Variants in NRDC observed in about 807,000 individuals in gnomAD.
NRDC encodes nardilysin.
A neutral mutation model predicts 147.1 loss-of-function variants in NRDC; 54 were observed. That is an observed-to-expected ratio of 0.37 (90% CI 0.29 to 0.46). The LOEUF (loss-of-function observed/expected upper bound fraction) is 0.46, where lower values mean the gene tolerates loss of function less well. Among genes scored for constraint, NRDC ranks in the 20% least tolerant of loss-of-function variants. The probability of loss-of-function intolerance (pLI) is 1.00; values close to 1 mark genes in which losing one functional copy is unlikely to be tolerated. For missense variants in NRDC, 1,082 were observed against 1,370.6 expected (o/e 0.79, Z 3.33); for synonymous variants, 440 against 482.1 (o/e 0.91, Z 1.14).
intron 1 of NRDC, among the ~76,000 whole-genome samples, chr1:51,847,892 G>T (rs1681732852): frequency 1.3e-5 from 2 of 152,260 alleles, no homozygotes; most frequent in Admixed American, 1.3e-4. Flanking sequence ...CCAAGAGCAA[G>T]CGAGGGCTGT....
chr1:51,847,803 G>A (rs771410553), intron 1 of NRDC, among the ~76,000 whole-genome samples: 22 of 152,226 alleles, frequency 1.4e-4, no homozygotes, highest in Non-Finnish European at 2.5e-4. Context: ...GCCATCCCAG[G>A]AACGGGCTCC....
chr1:51,868,054 G>A (rs932049365), intron 1 of NRDC, among the ~76,000 whole-genome samples: 3 of 152,170 alleles, frequency 2.0e-5, no homozygotes, highest in Non-Finnish European at 2.9e-5. Flanking sequence ...AAGGAGATGG[G>A]ATCCAGTACA....
At chr1:51,814,411 G>A (rs1304080158) in intron 13 of NRDC, 140 bp downstream of exon 13, 7 of 727,638 alleles carry the variant, frequency 9.6e-6, no homozygotes, top group African/African-American at 8.9e-5. Flanking sequence ...GAGGGATAAG[G>A]ATATGGAGTC....
In NRDC at chr1:51,800,610, T is replaced by C. The variant is rs1301297152; in HGVS notation, c.2387A>G (p.Glu796Gly). 3 of 1,613,952 alleles carry C rather than the reference T, an allele frequency of 1.9e-6. No homozygotes were observed. The change falls in exon 21 of 31, where the codon GAG becomes GGG. Residue 796 changes from glutamate to glycine, a missense_variant. Glu to Gly is a moderately conservative substitution (Grantham distance 98). Transcript: ENST00000352171. Reference protein sequence around the residue: ...STPAVFTMITEQLKKTYFNIL... With the variant: ...STPAVFTMITGQLKKTYFNIL... ...GTTAAAGTAGGTCTTCTTCAACTGC[T>C]CAGTTATCATTGTAAAGACAGCTGG...
chr1:51,874,663 C>T (rs1683241248), intron 1 of NRDC, among the ~76,000 whole-genome samples: 1 of 152,008 alleles, frequency 6.6e-6, no homozygotes, highest in South Asian at 2.1e-4. Context: ...TAATCCTGCC[C>T]AACCAGAATT....
intron 1 of NRDC, among the ~76,000 whole-genome samples, chr1:51,872,337 T>TACAC (rs367568781): frequency 6.6e-6 from 1 of 151,468 alleles, no homozygotes; most frequent in African/African-American, 2.4e-5. Context: ...CACACAGACA[T>TACAC]ACACACACAC....
At chr1:51,851,660 AAAT>A (rs1681955770) in intron 1 of NRDC, among the ~76,000 whole-genome samples, 1 of 152,132 alleles carries the variant, frequency 6.6e-6, no homozygotes, top group Non-Finnish European at 1.5e-5. Flanking sequence ...CTAAATTTTA[AAAT>A]AATCTCAGGC....
chr1:51,827,759 G>A, intron 5 of NRDC, 37 bp downstream of exon 5: 1 of 1,535,482 alleles, frequency 6.5e-7, no homozygotes, highest in Non-Finnish European at 9.0e-7. Flanking sequence ...TTTCATGAAG[G>A]AAAAAACTGT....
chr1:51,823,096 TG>T (rs1413465133), intron 7 of NRDC, among the ~76,000 whole-genome samples: 7 of 152,282 alleles, frequency 4.6e-5, no homozygotes, highest in African/African-American at 1.7e-4. Context: ...AAAAAGTGAA[TG>T]TGAGTTACTG....
intron 14 of NRDC, among the ~76,000 whole-genome samples, chr1:51,812,961 C>CAAAAAAAAAAAAAAAAAAAAAAAAAA (rs5774107): frequency 4.2e-5 from 3 of 71,816 alleles, no homozygotes; most frequent in Non-Finnish European, 7.2e-5. Context: ...GACTCTGTCT[C>CAAAAAAAAAAAAAAAAAAAAAAAAAA]AAAAAAAAAA....
At chr1:51,791,768 C>A (rs1261504793) in intron 26 of NRDC, 107 bp from the exon 27 acceptor site, 3 of 915,134 alleles carry the variant, frequency 3.3e-6, no homozygotes, top group African/African-American at 3.3e-5. Context: ...CTTATTGGAA[C>A]TGGAAGTCCT....
chr1:51,834,683 TA>T lies in NRDC; in HGVS notation c.713-514del, dbSNP rs879270120. ...TATTATGCTCATGTTACTTTTATACTAAAAAAAAAAAATTTCATCTTTAAAG... is the reference window on the plus strand; with the variant it reads ...TATTATGCTCATGTTACTTTTATACTAAAAAAAAAAATTTCATCTTTAAAG... On this transcript the variant is annotated intron_variant, in intron 3 of 30. Coordinates refer to ENST00000352171, the MANE Select transcript of NRDC (RefSeq NM_001101662.2). Among the ~76,000 whole-genome samples, 1,112 of 144,664 alleles carry T rather than the reference TA, an allele frequency of 7.7e-3. 12 individuals carry two copies. The highest frequency in any genetic ancestry group is 0.026 in the African/African-American group (1,015 of 39,676). 94.9% of individuals were successfully genotyped at this position (144,664 alleles called of 152,430 possible).
chr1:51,849,394 G>A (rs1345346037), intron 1 of NRDC, among the ~76,000 whole-genome samples: 1 of 151,658 alleles, frequency 6.6e-6, no homozygotes, highest in African/African-American at 2.4e-5. Context: ...CAACTTGGGC[G>A]ACAGGGCAAG....
rs1427600333 is a variant in NRDC at position 51,800,591 on chromosome 1, G to A, written c.2406C>T (p.Tyr802=). 2.5e-6 allele frequency: 4 copies of A among 1,613,970 alleles called. No homozygotes were observed. The highest frequency in any genetic ancestry group is 3.4e-6 in the Non-Finnish European group (4 of 1,179,976). ...TCTCGGGCTTGATGAGGATGTTAAA[G>A]TAGGTCTTCTTCAACTGCTCAGTTA... ...TMITEQLKKT[Y]FNILIKPETL... is the part of the protein sequence containing the mutation. The change falls in exon 21 of 31, where the codon TAC becomes TAT. Residue 802 remains tyrosine (Y), a synonymous_variant. Coordinates refer to ENST00000352171, the MANE Select transcript of NRDC (RefSeq NM_001101662.2).
intron 1 of NRDC, among the ~76,000 whole-genome samples, chr1:51,868,075 G>A (rs1157878339): frequency 6.6e-6 from 1 of 152,182 alleles, no homozygotes; most frequent in African/African-American, 2.4e-5. Flanking sequence ...CAACTGGAGA[G>A]TAGAGATAAG....
At chr1:51,837,694 G>T in intron 2 of NRDC, 1 of 1,222,128 alleles carries the variant, frequency 8.2e-7, no homozygotes, top group South Asian at 2.2e-5. Context: ...CTTGAGAACT[G>T]AATTAAGAAA....
intron 2 of NRDC, 162 bp from the exon 3 acceptor site, chr1:51,836,374 C>G: frequency 6.2e-7 from 1 of 1,613,376 alleles, no homozygotes. Flanking sequence ...CTCACCAGAA[C>G]TGTGTCAGTT....
chr1:51,802,050 G>A (rs1679234437), intron 20 of NRDC, among the ~76,000 whole-genome samples: 1 of 152,154 alleles, frequency 6.6e-6, no homozygotes, highest in African/African-American at 2.4e-5. Flanking sequence ...GCCTCTCAAA[G>A]CACTGGGATT....
At chr1:51,865,398 G>A (rs544752317) in intron 1 of NRDC, among the ~76,000 whole-genome samples, 14 of 151,350 alleles carry the variant, frequency 9.3e-5, no homozygotes, top group Middle Eastern at 3.4e-3. Context: ...CCGCCTCCCC[G>A]GGTTCAAGCG....
Sources: allele counts gnomAD v4.1 joint callset (sites outside exome capture counted in the v4.1 genomes callset), GRCh38; gene constraint gnomAD v4.1.1; transcripts MANE v1.5; gene names NCBI Gene and HGNC (gene_info 2026-07-23, HGNC 2026-07-21).